SLC5A10: variants seen among roughly 807,000 people sequenced by gnomAD.
The protein encoded by SLC5A10 is sodium/mannose cotransporter SLC5A10.
A neutral mutation model predicts 68.9 loss-of-function variants in SLC5A10; 55 were observed. That is an observed-to-expected ratio of 0.80 (90% CI 0.64 to 1.00). The LOEUF (loss-of-function observed/expected upper bound fraction) is 1.00, where lower values mean the gene tolerates loss of function less well. Ranked by LOEUF, SLC5A10 falls within the 50% of genes least tolerant of loss-of-function variation. The pLI is 0.00. For missense variants in SLC5A10, 732 were observed against 819.3 expected (o/e 0.89, Z 1.30); for synonymous variants, 344 against 344.8 (o/e 1.00, Z 0.02).
At chr17:18,981,408 C>T (rs2043129120) in intron 9 of SLC5A10, among the ~76,000 whole-genome samples, 1 of 152,176 alleles carries the variant, frequency 6.6e-6, no homozygotes, top group Admixed American at 6.5e-5. Flanking sequence ...CTGAGCTTGG[C>T]CCTGGGGCCA....
intron 9 of SLC5A10, among the ~76,000 whole-genome samples, chr17:19,012,417 A>G (rs1157135790): frequency 6.6e-6 from 1 of 152,218 alleles, no homozygotes; most frequent in African/African-American, 2.4e-5. Context: ...AGCCGTGTGT[A>G]CCACCCCAGC....
intron 9 of SLC5A10, among the ~76,000 whole-genome samples, chr17:18,998,790 C>T (rs139340878): frequency 2.8e-3 from 419 of 152,346 alleles, no homozygotes; most frequent in African/African-American, 9.2e-3. Context: ...GCCAGCTGTG[C>T]GCCCCACAAG....
In SLC5A10 at chr17:19,019,798, G is replaced by A; in HGVS notation, c.1496G>A (p.Gly499Glu). Residue 499 changes from glycine (G) to glutamate (E), a missense_variant, in exon 13 of 15, where the codon GGA becomes GAA. Coordinates refer to ENST00000395645, the MANE Select transcript of SLC5A10 (RefSeq NM_001042450.4). ...TTCCTGAACCCAGCCCCACCGTGCG[G>A]AGAGCCAGACACGCGGCCAGCCGTC... ...LEFLNPAPPC[G>E]EPDTRPAVLG... The A allele has an allele frequency of 6.2e-7, 1 of 1,613,384 alleles. No homozygotes were observed. The highest frequency in any genetic ancestry group is 8.5e-7 in the Non-Finnish European group (1 of 1,179,862).
chr17:18,967,174 C>CTGGG, intron 5 of SLC5A10, among the ~76,000 whole-genome samples: 1 of 152,196 alleles, frequency 6.6e-6, no homozygotes, highest in Non-Finnish European at 1.5e-5. Flanking sequence ...TTGCAGGCAA[C>CTGGG]CGCACACCTA....
chr17:18,953,318 G>A (rs527279719), intron 1 of SLC5A10, among the ~76,000 whole-genome samples: 1 of 151,980 alleles, frequency 6.6e-6, no homozygotes, highest in Admixed American at 6.6e-5. Context: ...ATTTTTAGTA[G>A]AGACAGAGTT....
At chr17:19,010,834 C>T (rs2043998069) in intron 9 of SLC5A10, among the ~76,000 whole-genome samples, 1 of 152,200 alleles carries the variant, frequency 6.6e-6, no homozygotes, top group Admixed American at 6.5e-5. Context: ...TTGGATCCGA[C>T]TGTGTCCCCC....
intron 9 of SLC5A10, chr17:18,979,181 GCCA>G: frequency 4.2e-6 from 2 of 477,616 alleles, no homozygotes; most frequent in African/African-American, 1.9e-5. Context: ...CGTCTATGCT[GCCA>G]CCAACCCCCA....
At chr17:18,963,932 G>T (rs943020031) in intron 5 of SLC5A10, among the ~76,000 whole-genome samples, 2 of 152,100 alleles carry the variant, frequency 1.3e-5, no homozygotes, top group Admixed American at 6.6e-5. Flanking sequence ...CCCCTCCCTC[G>T]CCCTGTTGCC....
chr17:18,999,927 C>G (rs1304307377), intron 9 of SLC5A10, among the ~76,000 whole-genome samples: 1 of 152,208 alleles, frequency 6.6e-6, no homozygotes, highest in East Asian at 1.9e-4. Flanking sequence ...CTGCTAAGGC[C>G]CCCCTGCTGT....
Position 18,959,634 on chromosome 17 carries a change from G to C in SLC5A10, c.319G>C (p.Val107Leu). The change falls in exon 4 of 15, where the codon GTG becomes CTG. Residue 107 changes from valine (V) to leucine (L), a missense_variant. Coordinates refer to ENST00000395645, the MANE Select transcript of SLC5A10 (RefSeq NM_001042450.4). ...GTACGTGCTGCTGGCACTGGCATGG[G>C]TGTTCGTGCCCATCTACATCTCCTC... ...ATYVLLALAWVFVPIYISSEI... is the reference protein window; with the variant it reads ...ATYVLLALAWLFVPIYISSEI... 6.2e-7 allele frequency: 1 copy of C among 1,614,042 alleles called. No homozygotes were observed. Among genetic ancestry groups the C allele is most frequent in the Non-Finnish European group, 8.5e-7 (1 of 1,180,010 alleles).
In SLC5A10 at chr17:18,960,085, C is replaced by T. The variant is rs536015531; in HGVS notation, c.348+422C>T. ...TGGGCCGCACAATTGGCTGCACCAT[C>T]GTCGACTCTGCCCACTCCTTCAGCC... On this transcript the variant is annotated intron_variant, in intron 4 of 14. Transcript: ENST00000395645. Among the ~76,000 whole-genome samples, 5 of 152,248 alleles carry T rather than the reference C, an allele frequency of 3.3e-5. No individual in the cohort carries two copies. In the South Asian group the frequency reaches 6.2e-4, roughly 19 times the overall value.
At chr17:18,970,971 C>T (rs113879606) in intron 7 of SLC5A10, 42 bp from the exon 8 acceptor site, 8 of 1,596,982 alleles carry the variant, frequency 5.0e-6, no homozygotes, top group Admixed American at 1.7e-5. Flanking sequence ...GTCAGGGCCC[C>T]GCAACCACCA....
In SLC5A10 at chr17:19,020,987, C is replaced by T. The variant is rs2044255625; in HGVS notation, c.*556C>T. The T allele has an allele frequency of 6.4e-6, 1 of 156,586 alleles. No individual in the cohort carries two copies. Among genetic ancestry groups the T allele is most frequent in the African/African-American group, 2.4e-5 (1 of 41,468 alleles). 9.7% of individuals were successfully genotyped at this position (156,586 alleles called of 1,614,324 possible). On this transcript the variant is annotated 3_prime_UTR_variant, in exon 15 of 15. Coordinates refer to ENST00000395645, the MANE Select transcript of SLC5A10 (RefSeq NM_001042450.4). The stretch of plus-strand genomic sequence containing the variant: ...AGTCCCACCTCACTTTTCCCTCTCC[C>T]AAAGGTGCCCAGGCTCTGGGCAGGC...
intron 7 of SLC5A10, 72 bp downstream of exon 7, chr17:18,969,494 C>A: frequency 7.1e-7 from 1 of 1,414,930 alleles, no homozygotes; most frequent in African/African-American, 1.4e-5. Context: ...CACTGCCCGG[C>A]ACTGTGCAGG....
rs376871192 is a variant in SLC5A10 at position 18,998,510 on chromosome 17, C to A, written c.983-14900C>A. On this transcript the variant is annotated intron_variant, in intron 9 of 14. Coordinates refer to ENST00000395645, the MANE Select transcript of SLC5A10 (RefSeq NM_001042450.4). ...AGCCGACTCTGAGCCTCAGTTTCCC[C>A]AGCTGTGATATGAACATGACGGCAG... Among the ~76,000 whole-genome samples the A allele has an allele frequency of 9.8e-5, 15 of 152,318 alleles. No homozygotes were observed. In the South Asian group the frequency reaches 2.9e-3, roughly 29 times the overall value.
rs184414006 is a variant in SLC5A10, at chr17:18,981,828, G to A, written c.982+4839G>A. Among the ~76,000 whole-genome samples the A allele has an allele frequency of 1.5e-3, 221 of 152,236 alleles. 1 individual carries two copies. Among genetic ancestry groups the A allele is most frequent in the Middle Eastern group, 0.014 (4 of 292 alleles). ...GCCAGCTCAGCAGGAAGCTGGCCAC[G>A]GCCCAGGACAATTAGCGCTCGTGAC... On this transcript the variant is annotated intron_variant, in intron 9 of 14. Coordinates refer to ENST00000395645, the MANE Select transcript of SLC5A10 (RefSeq NM_001042450.4).
At chr17:19,005,343 C>A (rs1340639560) in intron 9 of SLC5A10, among the ~76,000 whole-genome samples, 2 of 152,192 alleles carry the variant, frequency 1.3e-5, no homozygotes, top group African/African-American at 4.8e-5. Flanking sequence ...GCCAAGAGGG[C>A]CGCTGTGGGC....
At chr17:18,981,140 G>C (rs773933303) in intron 9 of SLC5A10, among the ~76,000 whole-genome samples, 12 of 152,176 alleles carry the variant, frequency 7.9e-5, no homozygotes, top group Non-Finnish European at 1.5e-4. Context: ...GGAGGCTGAG[G>C]GGGTAAACGA....
chr17:18,978,220 G>A lies in SLC5A10; in HGVS notation c.982+1231G>A, dbSNP rs377011653. ...TCTCAGCTGGGACACCGTCCTGGGG[G>A]GCACTGGGCTCTGGGGGAGGGCAAG... On this transcript the variant is annotated intron_variant, in intron 9 of 14. Coordinates refer to ENST00000395645, the MANE Select transcript of SLC5A10 (RefSeq NM_001042450.4). 9.1e-4 allele frequency: 1,441 copies of A among 1,578,870 alleles called. 27 individuals are homozygous for A. The South Asian group carries it at 0.016, about 17-fold the overall frequency.
Sources: gnomAD v4.1 joint callset for allele counts (sites outside exome capture counted in the v4.1 genomes callset) on GRCh38, gnomAD v4.1.1 for gene constraint, MANE v1.5 for transcripts, NCBI Gene and HGNC (gene_info 2026-07-23, HGNC 2026-07-21) for gene names.